Variants in CNTN4 observed in about 807,000 individuals in gnomAD.
CNTN4 encodes contactin 4.
Under a neutral mutation model 122.5 loss-of-function variants are expected in CNTN4, and 77 were observed. The ratio of observed to expected loss-of-function variants is 0.63; its 90% CI spans 0.52 to 0.76. The LOEUF is 0.76. Among genes scored for constraint, CNTN4 ranks in the 30% least tolerant of loss-of-function variants. The pLI, the probability that CNTN4 is intolerant of heterozygous loss-of-function variation, is 0.00. For missense variants in CNTN4, 1,256 were observed against 1,259.1 expected, an observed-to-expected ratio of 1.00 and a Z score of 0.04; for synonymous variants, 512 against 447.0, an observed-to-expected ratio of 1.15 and a Z score of -1.83.
intron 12 of CNTN4, among the ~76,000 whole-genome samples, chr3:2,922,608 ATTTTTTTT>A (rs547782541): frequency 3.6e-5 from 4 of 110,016 alleles, no homozygotes; most frequent in Non-Finnish European, 7.1e-5. Context: ...AAAGAACTTG[ATTTTTTTT>A]TTTTTTTTTT....
chr3:2,676,274 T>C (rs144631772), intron 4 of CNTN4, among the ~76,000 whole-genome samples: 33 of 151,958 alleles, frequency 2.2e-4, no homozygotes, highest in Non-Finnish European at 3.5e-4. Flanking sequence ...CAGGTTAGAG[T>C]GCAGTGGCAT....
chr3:2,150,580 T>C (rs1378639052), intron 2 of CNTN4, among the ~76,000 whole-genome samples: 1 of 152,222 alleles, frequency 6.6e-6, no homozygotes, highest in East Asian at 1.9e-4. Flanking sequence ...TTCAAAGCTA[T>C]CTCAGCTTGC....
chr3:2,469,528 G>C (rs2075613604), intron 3 of CNTN4, among the ~76,000 whole-genome samples: 1 of 152,128 alleles, frequency 6.6e-6, no homozygotes, highest in South Asian at 2.1e-4. Flanking sequence ...AAGGAAAAAT[G>C]CGCCAGATTT....
chr3:2,119,949 G>T (rs1218452807), intron 2 of CNTN4, among the ~76,000 whole-genome samples: 6 of 152,124 alleles, frequency 3.9e-5, no homozygotes, highest in Non-Finnish European at 8.8e-5. Flanking sequence ...GCAGGATCTA[G>T]TGTAGGTGGC....
chr3:2,942,041 G>A (rs2094621231), intron 13 of CNTN4, among the ~76,000 whole-genome samples: 1 of 152,042 alleles, frequency 6.6e-6, no homozygotes, highest in African/African-American at 2.4e-5. Flanking sequence ...ACTGTTATCT[G>A]CCTTCCTAAA....
At chr3:2,511,525 A>G (rs2076886618) in intron 3 of CNTN4, 1 of 152,282 alleles carries the variant, frequency 6.6e-6, no homozygotes, top group African/African-American at 2.4e-5. Flanking sequence ...CAGCATCTCT[A>G]GTCCCAGCTG....
chr3:2,135,324 C>CCTAG (rs2034637892), intron 2 of CNTN4, among the ~76,000 whole-genome samples: 1 of 152,090 alleles, frequency 6.6e-6, no homozygotes. Flanking sequence ...TGTTATTTTT[C>CCTAG]CTAGCAGTGT....
intron 2 of CNTN4, among the ~76,000 whole-genome samples, chr3:2,203,114 G>A (rs2038176723): frequency 1.3e-5 from 2 of 151,918 alleles, no homozygotes; most frequent in South Asian, 4.2e-4. Context: ...GATTACAGGC[G>A]TGAGTCTCTC....
intron 4 of CNTN4, among the ~76,000 whole-genome samples, chr3:2,725,426 A>G (rs1196765477): frequency 6.6e-6 from 1 of 152,194 alleles, no homozygotes; most frequent in African/African-American, 2.4e-5. Context: ...TTATGCGTAG[A>G]AAGAATACAC....
chr3:2,120,551 C>A (rs1396450159), intron 2 of CNTN4, among the ~76,000 whole-genome samples: 1 of 150,826 alleles, frequency 6.6e-6, no homozygotes, highest in Non-Finnish European at 1.5e-5. Flanking sequence ...TACAGGTGCA[C>A]ACCACTATGC....
chr3:2,750,681 G>A (rs1374747771), intron 6 of CNTN4, among the ~76,000 whole-genome samples: 2 of 152,118 alleles, frequency 1.3e-5, no homozygotes, highest in Non-Finnish European at 2.9e-5. Flanking sequence ...CTGTCACTTA[G>A]CCTACTACCA....
chr3:2,382,972 G>A (rs560354292), intron 3 of CNTN4, among the ~76,000 whole-genome samples: 1 of 152,158 alleles, frequency 6.6e-6, no homozygotes, highest in South Asian at 2.1e-4. Context: ...CTACTGGGGA[G>A]GCTGAGGCAG....
chr3:2,869,215 A>C (rs978378196), intron 8 of CNTN4, among the ~76,000 whole-genome samples: 1 of 152,204 alleles, frequency 6.6e-6, no homozygotes, highest in African/African-American at 2.4e-5. Flanking sequence ...GTTTTTAAGA[A>C]GATTGCTTAG....
At chr3:3,012,761 G>A (rs571576593) in intron 14 of CNTN4, among the ~76,000 whole-genome samples, 1 of 152,096 alleles carries the variant, frequency 6.6e-6, no homozygotes, top group Non-Finnish European at 1.5e-5. Flanking sequence ...CTGAGGTCAG[G>A]AGTTTGAGAT....
chr3:2,216,718 A>G (rs1372811460), intron 2 of CNTN4, among the ~76,000 whole-genome samples: 1 of 152,164 alleles, frequency 6.6e-6, no homozygotes, highest in African/African-American at 2.4e-5. Flanking sequence ...AACTATTTTT[A>G]AACCTAAAAA....
In CNTN4 at chr3:3,041,081, C is replaced by G. The variant is rs1479057660; in HGVS notation, c.2398+810C>G. The stretch of plus-strand genomic sequence containing the variant: ...CCCTGCTCTCGGGATGCCTCTCACA[C>G]AGTCTTCGTTACCTTTGGAGTTCGT... On this transcript the variant is annotated intron_variant, in intron 20 of 24. Transcript: ENST00000418658. 1.2e-4 allele frequency: 19 copies of G among 152,280 alleles called. 1 individual carries two copies. The highest frequency in any genetic ancestry group is 1.2e-3 in the Admixed American group (18 of 15,284). The allele number at this position is 152,280 out of a possible 1,614,324, so 9.4% of individuals were successfully genotyped here. A position where few individuals can be genotyped will look rare whatever the true frequency, so the allele number is the denominator to read the frequency against.
chr3:2,881,077 T>A (rs576801819), intron 8 of CNTN4, among the ~76,000 whole-genome samples: 1 of 152,314 alleles, frequency 6.6e-6, no homozygotes, highest in East Asian at 1.9e-4. Flanking sequence ...AGAACTATTA[T>A]GTTCGAGTTT....
intron 14 of CNTN4, among the ~76,000 whole-genome samples, chr3:3,021,297 G>A (rs1022739366): frequency 6.6e-6 from 1 of 152,110 alleles, no homozygotes; most frequent in Non-Finnish European, 1.5e-5. Flanking sequence ...AAAAAATGGT[G>A]CCAACTATAG....
intron 3 of CNTN4, chr3:2,511,470 A>G (rs2076883681): frequency 2.0e-5 from 3 of 152,218 alleles, no homozygotes; most frequent in African/African-American, 7.2e-5. Flanking sequence ...GTCCTCCTTG[A>G]TGAATGCTGG....
Sources: gnomAD v4.1 joint callset for allele counts (sites outside exome capture counted in the v4.1 genomes callset) on GRCh38, gnomAD v4.1.1 for gene constraint, MANE v1.5 for transcripts, NCBI Gene and HGNC (gene_info 2026-07-23, HGNC 2026-07-21) for gene names.